COL23A1: variants seen among roughly 807,000 people sequenced by gnomAD.
COL23A1 encodes collagen type XXIII alpha 1 chain, also known as collagen alpha-1(XXIII) chain.
COL23A1 carries 97 observed loss-of-function variants against 99.3 expected under a neutral mutation model. The ratio of observed to expected loss-of-function variants is 0.98; its 90% CI spans 0.83 to 1.16. The LOEUF (loss-of-function observed/expected upper bound fraction) is 1.16, where lower values mean the gene tolerates loss of function less well. Ranked by LOEUF, COL23A1 falls within the 50% of genes most tolerant of loss-of-function variation. COL23A1 has a pLI of 0.00. For synonymous variants in COL23A1, 320 were observed against 308.2 expected (o/e 1.04, Z -0.40); for missense variants, 762 against 757.4 (o/e 1.01, Z -0.07).
chr5:178,259,652 C>A (rs1765519296), intron 12 of COL23A1, 69 bp downstream of exon 12: 8 of 1,472,128 alleles, frequency 5.4e-6, no homozygotes, highest in African/African-American at 4.2e-5. Context: ...CATTCCGTCC[C>A]AGCCCCTGCC....
At chr5:178,375,043 G>A (rs1454528974) in intron 2 of COL23A1, among the ~76,000 whole-genome samples, 1 of 152,148 alleles carries the variant, frequency 6.6e-6, no homozygotes, top group Admixed American at 6.5e-5. Flanking sequence ...GCTGATGAAC[G>A]GATGAAGACA....
chr5:178,543,929 G>A (rs1761437813), intron 2 of COL23A1, among the ~76,000 whole-genome samples: 2 of 152,202 alleles, frequency 1.3e-5, no homozygotes, highest in African/African-American at 4.8e-5. Context: ...GTTCATGGAT[G>A]ATGCCTTCTC....
At chr5:178,562,743 G>GGGGGGGGGGGGGGGGT (rs1480993197) in intron 1 of COL23A1, 4 of 143,360 alleles carry the variant, frequency 2.8e-5, no homozygotes, top group Middle Eastern at 3.7e-3. Flanking sequence ...TGGTGGGGGG[G>GGGGGGGGGGGGGGGGT]GTGCGGGCTT....
At position 178,590,337 on chromosome 5, in the gene COL23A1, C is replaced by G. The variant is rs989507220; in HGVS notation, c.-140G>C. On this transcript the variant is annotated 5_prime_UTR_variant, in exon 1 of 29. Coordinates refer to ENST00000390654, the MANE Select transcript of COL23A1 (RefSeq NM_173465.4). The surrounding 1 kb of genome is among the most constrained non-coding windows in gnomAD (Gnocchi z 5.7). ...TAGCCTCCGGGTAGCAGCGGATCGC[C>G]GCGCACGCCCCCTTCGCCGCAGCCA... 3 of 710,606 alleles carry G rather than the reference C, an allele frequency of 4.2e-6. No homozygotes were observed. Among genetic ancestry groups the G allele is most frequent in the Non-Finnish European group, 5.6e-6 (3 of 534,698 alleles). 44.0% of individuals were successfully genotyped at this position (710,606 alleles called of 1,614,324 possible).
At chr5:178,467,703 G>A (rs900942806) in intron 2 of COL23A1, among the ~76,000 whole-genome samples, 1 of 152,152 alleles carries the variant, frequency 6.6e-6, no homozygotes, top group Non-Finnish European at 1.5e-5. Context: ...TCTTCTCCTA[G>A]TACTGATTTA....
At chr5:178,382,458 G>A (rs1195724347) in intron 2 of COL23A1, among the ~76,000 whole-genome samples, 1 of 152,200 alleles carries the variant, frequency 6.6e-6, no homozygotes, top group African/African-American at 2.4e-5. Context: ...TAGAAGGTGG[G>A]AATCACCTAA....
chr5:178,303,534 T>G (rs1758183187), intron 3 of COL23A1, among the ~76,000 whole-genome samples: 1 of 152,178 alleles, frequency 6.6e-6, no homozygotes. Context: ...CAGAAGTGCT[T>G]CTTCCACTGG....
At chr5:178,358,516 T>G (rs1363532266) in intron 2 of COL23A1, among the ~76,000 whole-genome samples, 1 of 143,076 alleles carries the variant, frequency 7.0e-6, no homozygotes, top group African/African-American at 2.7e-5. Flanking sequence ...TGTGTGTATG[T>G]GTGTATGTAT....
At chr5:178,561,159 G>A (rs1488445544) in intron 1 of COL23A1, among the ~76,000 whole-genome samples, 2 of 152,122 alleles carry the variant, frequency 1.3e-5, no homozygotes, top group African/African-American at 4.8e-5. Flanking sequence ...CACTCACAAG[G>A]CCACCCCGTC....
rs1039077131 is a variant in COL23A1, at chr5:178,544,746, T to C, written c.361+15936A>G. 6.6e-6 allele frequency among the ~76,000 whole-genome samples: 1 copy of C among 152,150 alleles called. No homozygotes were observed. Among genetic ancestry groups the C allele is most frequent in the African/African-American group, 2.4e-5 (1 of 41,426 alleles). ...CTGTGGGCTCAGCCTCCAGGTCACC[T>C]GCTGCCCCCGTGCCACTGGGGTAGT... On this transcript the variant is annotated intron_variant, in intron 2 of 28. Transcript: ENST00000390654. This position sits in a 1 kb window ranked among gnomAD's most constrained non-coding sequence, Gnocchi z 4.4.
At chr5:178,525,033 T>G (rs867500283) in intron 2 of COL23A1, among the ~76,000 whole-genome samples, 1 of 151,742 alleles carries the variant, frequency 6.6e-6, no homozygotes, top group African/African-American at 2.4e-5. Context: ...TAAGCTCACA[T>G]GGCTGGTAAG....
chr5:178,334,713 G>A (rs1348668117), intron 2 of COL23A1, among the ~76,000 whole-genome samples: 6 of 152,164 alleles, frequency 3.9e-5, no homozygotes, highest in African/African-American at 9.7e-5. Flanking sequence ...ACAGCGACAC[G>A]AACCCCACTA....
chr5:178,523,642 T>C (rs1760144477), intron 2 of COL23A1: 1 of 152,062 alleles, frequency 6.6e-6, no homozygotes, highest in African/African-American at 2.4e-5. Context: ...TCATTTCCTT[T>C]CATTTATTGC....
At chr5:178,256,962 T>G (rs1418044275) in intron 13 of COL23A1, 34 bp from the exon 14 acceptor site, 10 of 1,607,312 alleles carry the variant, frequency 6.2e-6, no homozygotes, top group Non-Finnish European at 8.5e-6. Context: ...AGAGCAAGTG[T>G]GAGACGGCAC....
rs113172191 is a variant in COL23A1 at position 178,306,233 on chromosome 5, A to G, written c.406+642T>C. Among the ~76,000 whole-genome samples, 1,385 of 152,228 alleles carry G rather than the reference A, an allele frequency of 9.1e-3. 22 individuals are homozygous for G. The highest frequency in any genetic ancestry group is 0.032 in the African/African-American group (1,334 of 41,534). ...GGGGAGTGGCCAAGGGTGGGGGTCA[A>G]GAAAGAGAAAGACAGCAAAGCATCC... On this transcript the variant is annotated intron_variant, in intron 3 of 28. Coordinates refer to ENST00000390654, the MANE Select transcript of COL23A1 (RefSeq NM_173465.4). This position sits in a 1 kb window ranked among gnomAD's most constrained non-coding sequence, Gnocchi z 4.1.
At chr5:178,319,791 G>C (rs942875408) in intron 2 of COL23A1, among the ~76,000 whole-genome samples, 1 of 152,230 alleles carries the variant, frequency 6.6e-6, no homozygotes, top group African/African-American at 2.4e-5. Flanking sequence ...GGGACTGAGG[G>C]GTTTCCCTGG....
rs1766086251 is a variant in COL23A1 at position 178,428,724 on chromosome 5, T to C, written c.362-121805A>G. ...GCTTCTCCAGGACATTGTCACTCTCTTGGCCTGTGATCATTCATTTCAGGG... is the reference window on the plus strand; with the variant it reads ...GCTTCTCCAGGACATTGTCACTCTCCTGGCCTGTGATCATTCATTTCAGGG... On this transcript the variant is annotated intron_variant, in intron 2 of 28. Coordinates refer to ENST00000390654, the MANE Select transcript of COL23A1 (RefSeq NM_173465.4). This position sits in a 1 kb window ranked among gnomAD's most constrained non-coding sequence, Gnocchi z 5.0. 6.6e-6 allele frequency among the ~76,000 whole-genome samples: 1 copy of C among 152,246 alleles called. No homozygotes were observed. Among genetic ancestry groups the C allele is most frequent in the African/African-American group, 2.4e-5 (1 of 41,470 alleles).
At chr5:178,581,000 T>G (rs1034126393) in intron 1 of COL23A1, among the ~76,000 whole-genome samples, 23 of 152,268 alleles carry the variant, frequency 1.5e-4, no homozygotes, top group Admixed American at 1.4e-3. Context: ...AGAGCGAGAC[T>G]CTATCTCAAA....
intron 2 of COL23A1, among the ~76,000 whole-genome samples, chr5:178,559,069 C>T (rs1266788134): frequency 6.6e-6 from 1 of 152,202 alleles, no homozygotes; most frequent in African/African-American, 2.4e-5. Context: ...GGATTACAGG[C>T]GTGGGCCACC....
Sources: gnomAD v4.1 joint callset for allele counts (sites outside exome capture counted in the v4.1 genomes callset) on GRCh38, gnomAD v4.1.1 for gene constraint, Gnocchi (gnomAD v3.1) non-coding constraint, MANE v1.5 for transcripts, NCBI Gene and HGNC (gene_info 2026-07-23, HGNC 2026-07-21) for gene names.